VTI1A: variants seen among roughly 807,000 people sequenced by gnomAD.
VTI1A encodes the protein vesicle transport through interaction with t-SNAREs homolog 1A.
In VTI1A, 22 loss-of-function variants were observed where a neutral mutation model predicts 34.9. The ratio of observed to expected loss-of-function variants is 0.63; its 90% CI spans 0.45 to 0.90. The LOEUF is 0.90. Among genes scored for constraint, VTI1A ranks in the 40% least tolerant of loss-of-function variants. The pLI is 0.00. For missense variants in VTI1A, 268 were observed against 275.6 expected (o/e 0.97, Z 0.20); for synonymous variants, 87 against 97.3 (o/e 0.89, Z 0.62).
At chr10:112,566,588 A>G (rs1476949314) in intron 5 of VTI1A, among the ~76,000 whole-genome samples, 1 of 152,144 alleles carries the variant, frequency 6.6e-6, no homozygotes, top group East Asian at 1.9e-4. Context: ...AATTAGAGTG[A>G]TTTATTGGGA....
intron 5 of VTI1A, among the ~76,000 whole-genome samples, chr10:112,547,967 C>T (rs1050642730): frequency 6.6e-6 from 1 of 151,958 alleles, no homozygotes; most frequent in Admixed American, 6.5e-5. Context: ...CTTACCCAAG[C>T]TTACTCTTTT....
intron 7 of VTI1A, among the ~76,000 whole-genome samples, chr10:112,727,859 A>G (rs893262823): frequency 6.6e-6 from 1 of 152,010 alleles, no homozygotes; most frequent in African/African-American, 2.4e-5. Context: ...CTAAGGATCC[A>G]GAATTAGTAA....
downstream of VTI1A, among the ~76,000 whole-genome samples, chr10:112,823,170 G>T (rs182029116): frequency 1.7e-4 from 26 of 152,342 alleles, no homozygotes; most frequent in Middle Eastern, 0.017. Flanking sequence ...TAGCAAAGGA[G>T]CCCCGCTGAG....
intron 3 of VTI1A, among the ~76,000 whole-genome samples, chr10:112,490,239 CCAA>C (rs1327288401): frequency 3.9e-5 from 6 of 152,166 alleles, no homozygotes; most frequent in African/African-American, 7.2e-5. Context: ...TTTAAATCAT[CCAA>C]CAACAACAAC....
chr10:112,447,045 G>C (rs975000434), upstream of VTI1A: 4 of 297,582 alleles, frequency 1.3e-5, no homozygotes, highest in Admixed American at 4.2e-5. Flanking sequence ...GAACACGAAG[G>C]GGGGAAAAAA....
intron 5 of VTI1A, among the ~76,000 whole-genome samples, chr10:112,640,525 C>T (rs1402997632): frequency 6.6e-6 from 1 of 151,270 alleles, no homozygotes; most frequent in African/African-American, 2.4e-5. Context: ...AGGAGGATCT[C>T]AACAATCTGG....
At chr10:112,708,708 T>C (rs1307414756) in intron 7 of VTI1A, among the ~76,000 whole-genome samples, 1 of 152,230 alleles carries the variant, frequency 6.6e-6, no homozygotes, top group Non-Finnish European at 1.5e-5. Flanking sequence ...ATTTCAAATA[T>C]TTCACCATTC....
intron 5 of VTI1A, among the ~76,000 whole-genome samples, chr10:112,610,748 C>T (rs1845269101): frequency 6.6e-6 from 1 of 151,940 alleles, no homozygotes. Flanking sequence ...AACCCCGTCT[C>T]TACTAAAAAT....
Position 112,637,659 on chromosome 10 carries a change from C to CA in VTI1A, c.428-30549dup, listed in dbSNP as rs946533118. Among the ~76,000 whole-genome samples the CA allele has an allele frequency of 1.1e-3, 153 of 141,302 alleles. 1 individual carries two copies. Among genetic ancestry groups the CA allele is most frequent in the Admixed American group, 5.8e-3 (82 of 14,134 alleles). The allele number at this position is 141,302 out of a possible 152,430, so 92.7% of individuals were successfully genotyped here. On this transcript the variant is annotated intron_variant, in intron 5 of 7. Transcript: ENST00000393077. ...GGGTGACAGGGTGAGACTCCCATCT[C>CA]AAAAAAAAAACAGCTGTATAAAAGA...
chr10:112,502,131 A>G (rs1849265083), intron 3 of VTI1A, among the ~76,000 whole-genome samples: 1 of 150,516 alleles, frequency 6.6e-6, no homozygotes, highest in African/African-American at 2.4e-5. Flanking sequence ...GGACTCAAGC[A>G]ATCCTCCCAC....
intron 7 of VTI1A, among the ~76,000 whole-genome samples, chr10:112,690,481 A>T (rs970120944): frequency 2.0e-5 from 3 of 152,082 alleles, no homozygotes; most frequent in African/African-American, 4.8e-5. Context: ...CCCAGTTCCT[A>T]TTTGACCTAT....
chr10:112,458,714 T>C lies in VTI1A; in HGVS notation c.95-1810T>C, dbSNP rs1414718538. Among the ~76,000 whole-genome samples the C allele has an allele frequency of 2.0e-5, 3 of 152,034 alleles. No individual in the cohort carries two copies. The East Asian group carries it at 5.8e-4, about 29-fold the overall frequency. The stretch of plus-strand genomic sequence containing the variant: ...CAGAGTCCCGCACTGTTGCCCAGGC[T>C]GGAACGCAATGGTGCGATCTCGGCT... On this transcript the variant is annotated intron_variant, in intron 1 of 7. Transcript: ENST00000393077.
At chr10:112,653,693 C>T (rs895534981) in intron 5 of VTI1A, among the ~76,000 whole-genome samples, 1 of 152,114 alleles carries the variant, frequency 6.6e-6, no homozygotes, top group Non-Finnish European at 1.5e-5. Flanking sequence ...AAATAGTAGC[C>T]CAAAATAAAA....
intron 1 of VTI1A, among the ~76,000 whole-genome samples, chr10:112,451,523 G>A (rs1279926732): frequency 6.6e-6 from 1 of 152,214 alleles, no homozygotes; most frequent in Non-Finnish European, 1.5e-5. Context: ...AAGGAGGTAA[G>A]TGATTAGGGC....
the VTI1A span, among the ~76,000 whole-genome samples, chr10:112,830,849 A>ATATATATATATTTTTTT: frequency 3.0e-4 from 10 of 33,496 alleles, 1 homozygote; most frequent in Non-Finnish European, 3.9e-4. Context: ...ATATATATAT[A>ATATATATATATTTTTTT]TTTTTTTTTT....
At chr10:112,683,550 G>C (rs1244945055) in intron 7 of VTI1A, among the ~76,000 whole-genome samples, 1 of 152,068 alleles carries the variant, frequency 6.6e-6, no homozygotes, top group Non-Finnish European at 1.5e-5. Flanking sequence ...TAAAAAAATT[G>C]TTTTTAATCC....
At chr10:112,490,953 A>G (rs1464749276) in intron 3 of VTI1A, among the ~76,000 whole-genome samples, 1 of 137,842 alleles carries the variant, frequency 7.3e-6, no homozygotes, top group Non-Finnish European at 1.6e-5. Flanking sequence ...CCCCCTGCCC[A>G]CCCTCCCCTA....
intron 5 of VTI1A, among the ~76,000 whole-genome samples, chr10:112,605,046 T>C (rs554307557): frequency 6.6e-6 from 1 of 152,304 alleles, no homozygotes; most frequent in South Asian, 2.1e-4. Flanking sequence ...ATTATAACCT[T>C]TTTCCCCACA....
At chr10:112,849,175 G>A in the VTI1A span, among the ~76,000 whole-genome samples, 1 of 152,230 alleles carries the variant, frequency 6.6e-6, no homozygotes. Context: ...ACATGGTGTA[G>A]CAAGACAGAA....
Sources: allele counts gnomAD v4.1 joint callset (sites outside exome capture counted in the v4.1 genomes callset), GRCh38; gene constraint gnomAD v4.1.1; transcripts MANE v1.5; gene names NCBI Gene and HGNC (gene_info 2026-07-23, HGNC 2026-07-21).